Variants in SNX5 observed in about 807,000 individuals in gnomAD.
SNX5 encodes the protein sorting nexin-5.
Under a neutral mutation model 53.9 loss-of-function variants are expected in SNX5, and 31 were observed. The observed-to-expected ratio is 0.58, with a 90% CI of 0.43 to 0.78. The LOEUF (loss-of-function observed/expected upper bound fraction) is 0.78. Among genes scored for constraint, SNX5 ranks in the 30% least tolerant of loss-of-function variants. The pLI, the probability that SNX5 is intolerant of heterozygous loss-of-function variation, is 0.00. For missense variants in SNX5, 471 were observed against 478.8 expected, an observed-to-expected ratio of 0.98 and a Z score of 0.15; for synonymous variants, 168 against 171.1, an observed-to-expected ratio of 0.98 and a Z score of 0.14.
At chr20:17,959,119 C>A (rs1048889832) in intron 1 of SNX5, among the ~76,000 whole-genome samples, 3 of 152,182 alleles carry the variant, frequency 2.0e-5, no homozygotes, top group Non-Finnish European at 4.4e-5. Flanking sequence ...TTTTCGCTCA[C>A]AAGCCCAGCA....
chr20:17,949,266 A>T lies in SNX5; in HGVS notation c.792-163T>A, dbSNP rs1024004670. On this transcript the variant is annotated intron_variant, in intron 8 of 12. Coordinates refer to ENST00000377759, the MANE Select transcript of SNX5 (RefSeq NM_014426.4). Reference sequence around the variant, plus strand: ...CTCACTTCAACTGACCCCAAATAGTAGAGAAAATGGTCACAAAATTACACA... The same window carrying T: ...CTCACTTCAACTGACCCCAAATAGTTGAGAAAATGGTCACAAAATTACACA... Among the ~76,000 whole-genome samples, 3 of 152,210 alleles carry T rather than the reference A, an allele frequency of 2.0e-5. No homozygotes were observed. In the East Asian group the frequency reaches 5.8e-4, roughly 29 times the overall value.
At position 17,968,462 on chromosome 20, in the gene SNX5, G is replaced by A; in HGVS notation, c.-37C>T. The A allele has an allele frequency of 3.1e-6, 4 of 1,290,078 alleles. No individual in the cohort carries two copies. Among genetic ancestry groups the A allele is most frequent in the Non-Finnish European group, 3.9e-6 (4 of 1,016,768 alleles). The allele number at this position is 1,290,078 out of a possible 1,614,324, so 79.9% of individuals were successfully genotyped here. A position where few individuals can be genotyped will look rare whatever the true frequency, so the allele number is the denominator to read the frequency against. ...ACTCGAGCAGGGGCCGCCTGGCTGT[G>A]CGAGGAAAGAAGAAGCTGGGCCGCC... On this transcript the variant is annotated 5_prime_UTR_variant, in exon 1 of 13. Coordinates refer to ENST00000377759, the MANE Select transcript of SNX5 (RefSeq NM_014426.4).
rs1240751228 is a variant in SNX5, at chr20:17,943,022, AC to A, written c.1164+87del. On this transcript the variant is annotated intron_variant, in intron 12 of 12. Transcript: ENST00000377759. ...CGATTAATACCACAAGGCCACCCCAACTGCCTGATGACAATGGGTTAGTAAA... is the reference window on the plus strand; with the variant it reads ...CGATTAATACCACAAGGCCACCCCAATGCCTGATGACAATGGGTTAGTAAA... 3 of 884,512 alleles carry A rather than the reference AC, an allele frequency of 3.4e-6. No individual in the cohort carries two copies. In the African/African-American group the frequency reaches 5.0e-5, roughly 15 times the overall value. 54.8% of individuals were successfully genotyped at this position (884,512 alleles called of 1,614,324 possible).
chr20:17,960,628 T>C (rs1326844932), intron 1 of SNX5, among the ~76,000 whole-genome samples: 3 of 150,868 alleles, frequency 2.0e-5, no homozygotes, highest in African/African-American at 7.3e-5. Flanking sequence ...CACACACAAA[T>C]TAGCCTGGCA....
chr20:17,961,811 A>C, intron 1 of SNX5: 2 of 985,464 alleles, frequency 2.0e-6, no homozygotes, highest in African/African-American at 3.5e-5. Flanking sequence ...CAATATGACA[A>C]ATCATCGATG....
rs373578457 is a variant in SNX5, at chr20:17,955,390, T to C, written c.242A>G (p.Glu81Gly). 1.1e-4 allele frequency: 178 copies of C among 1,613,600 alleles called. 1 individual carries two copies. In the East Asian group the frequency reaches 1.3e-3, roughly 12 times the overall value. ...DFVWLHDTLI[E>G]TTDYAGLIIP... ...AATAAGCCCAGCATAGTCTGTTGTT[T>C]CAATAAGAGTGTCATGTAGCCACAC... Residue 81 changes from glutamate (E) to glycine (G), a missense_variant, in exon 3 of 13, where the codon GAA becomes GGA. Glu to Gly is a moderately conservative substitution (Grantham distance 98, BLOSUM62 -2). Transcript: ENST00000377759.
At chr20:17,947,127 T>A (rs1017272262) in intron 11 of SNX5, 1 of 188,198 alleles carries the variant, frequency 5.3e-6, no homozygotes, top group African/African-American at 2.4e-5. Flanking sequence ...AAGACAAACA[T>A]GAAAATACAG....
rs2039528719 is a variant in SNX5, at chr20:17,949,122, T to C, written c.792-19A>G. The C allele has an allele frequency of 6.2e-7, 1 of 1,611,662 alleles. No individual in the cohort carries two copies. The highest frequency in any genetic ancestry group is 1.3e-5 in the African/African-American group (1 of 74,930). On this transcript the variant is annotated intron_variant, in intron 8 of 12. Transcript: ENST00000377759. ...TAGGTACCTGGAAATGTACATATAA[T>C]TTTGGTTTAAGGTCTTAAATCATCT...
At chr20:17,963,480 A>G (rs897912195) in intron 1 of SNX5, among the ~76,000 whole-genome samples, 1 of 152,176 alleles carries the variant, frequency 6.6e-6, no homozygotes, top group East Asian at 1.9e-4. Flanking sequence ...CTCAAAAAGT[A>G]AAAAACAGAA....
At position 17,941,723 on chromosome 20, in the gene SNX5, C is replaced by T. The variant is rs1386106437; in HGVS notation, c.*634G>A. On this transcript the variant is annotated 3_prime_UTR_variant, in exon 13 of 13. Coordinates refer to ENST00000377759, the MANE Select transcript of SNX5 (RefSeq NM_014426.4). ...GGCTTATACTTTTCCTAATGTAGATCTGGCCATCTTATAAAGCAGACCACA... is the reference window on the plus strand; with the variant it reads ...GGCTTATACTTTTCCTAATGTAGATTTGGCCATCTTATAAAGCAGACCACA... 6.6e-6 allele frequency: 1 copy of T among 152,296 alleles called. No individual in the cohort carries two copies. The highest frequency in any genetic ancestry group is 1.9e-4 in the East Asian group (1 of 5,202). 9.4% of individuals were successfully genotyped at this position (152,296 alleles called of 1,614,324 possible).
In SNX5 at chr20:17,948,896, A is replaced by G. The variant is rs1399442648; in HGVS notation, c.912T>C (p.Ala304=). The G allele has an allele frequency of 6.2e-7, 1 of 1,611,706 alleles. No homozygotes were observed. The highest frequency in any genetic ancestry group is 8.5e-7 in the Non-Finnish European group (1 of 1,179,636). The change falls in exon 10 of 13, where the codon GCT becomes GCC. Residue 304 remains alanine (A), a synonymous_variant. Coordinates refer to ENST00000377759, the MANE Select transcript of SNX5 (RefSeq NM_014426.4). ...LLRYYMLNIE[A]AKDLLYRRTK... ...TGAGCAACTCTCTTCCTACCTTAGC[A>G]GCTTCAATGTTGAGCATGTAGTATC...
chr20:17,948,372 G>A (rs1358332586), intron 10 of SNX5, among the ~76,000 whole-genome samples: 2 of 152,158 alleles, frequency 1.3e-5, no homozygotes, highest in African/African-American at 4.8e-5. Flanking sequence ...TGCATGATGG[G>A]GGGAAAAATT....
rs535862943 is a variant in SNX5, at chr20:17,966,378, C to T, written c.51+1997G>A. On this transcript the variant is annotated intron_variant, in intron 1 of 12. Coordinates refer to ENST00000377759, the MANE Select transcript of SNX5 (RefSeq NM_014426.4). ...CCAGCCTGGACGACAGAGCGAGACT[C>T]CGTCTCAAAAAAAAAAAAAAAATCA... Among the ~76,000 whole-genome samples, 6 of 137,862 alleles carry T rather than the reference C, an allele frequency of 4.4e-5. No homozygotes were observed. In the South Asian group the frequency reaches 1.6e-3, roughly 36 times the overall value. 90.4% of individuals were successfully genotyped at this position (137,862 alleles called of 152,430 possible). A position where few individuals can be genotyped will look rare whatever the true frequency, so the allele number is the denominator to read the frequency against.
At chr20:17,946,820 A>T (rs1249808906) in intron 11 of SNX5, among the ~76,000 whole-genome samples, 1 of 152,186 alleles carries the variant, frequency 6.6e-6, no homozygotes, top group African/African-American at 2.4e-5. Context: ...ACAGTGGAGA[A>T]ACTGGATTTG....
In SNX5 at chr20:17,961,531, T is replaced by C. The variant is rs1035137849; in HGVS notation, c.52-4494A>G. The C allele has an allele frequency of 1.2e-5, 12 of 985,380 alleles. No individual in the cohort carries two copies. In the African/African-American group the frequency reaches 2.1e-4, roughly 17 times the overall value. 61.0% of individuals were successfully genotyped at this position (985,380 alleles called of 1,614,324 possible). ...CATTTAAATCTAATAGTCATTTGTA[T>C]ACAATGTAAGACATGGATACAATAT... On this transcript the variant is annotated intron_variant, in intron 1 of 12. Transcript: ENST00000377759.
At chr20:17,961,105 A>G (rs1008405543) in intron 1 of SNX5, 9 of 984,228 alleles carry the variant, frequency 9.1e-6, no homozygotes, top group Non-Finnish European at 1.1e-5. Flanking sequence ...CTAAAAGGAG[A>G]AAAGTAGTTA....
chr20:17,954,469 G>T (rs1289757776), intron 3 of SNX5, among the ~76,000 whole-genome samples: 1 of 152,184 alleles, frequency 6.6e-6, no homozygotes, highest in African/African-American at 2.4e-5. Context: ...AAAGTGTTCA[G>T]TATTCCAAAG....
In SNX5 at chr20:17,968,567, C is replaced by A; in HGVS notation, c.-142G>T. 2.7e-6 allele frequency: 2 copies of A among 744,692 alleles called. No homozygotes were observed. The highest frequency in any genetic ancestry group is 2.6e-5 in the Admixed American group (1 of 38,160). 46.1% of individuals were successfully genotyped at this position (744,692 alleles called of 1,614,324 possible). A position where few individuals can be genotyped will look rare whatever the true frequency, so the allele number is the denominator to read the frequency against. On this transcript the variant is annotated 5_prime_UTR_variant, in exon 1 of 13. Coordinates refer to ENST00000377759, the MANE Select transcript of SNX5 (RefSeq NM_014426.4). The stretch of plus-strand genomic sequence containing the variant: ...CTCCCTGCCCGACGGCGGCAGGAGG[C>A]CTCCGGACTCCGCCACCATCCCAGC...
intron 4 of SNX5, 99 bp downstream of exon 4, chr20:17,953,897 C>T: frequency 1.9e-6 from 2 of 1,072,150 alleles, no homozygotes; most frequent in South Asian, 1.5e-5. Context: ...AACAGCTGCA[C>T]TTAAAACAAA....
Sources: allele counts gnomAD v4.1 joint callset (sites outside exome capture counted in the v4.1 genomes callset), GRCh38; gene constraint gnomAD v4.1.1; transcripts MANE v1.5; gene names NCBI Gene and HGNC (gene_info 2026-07-23, HGNC 2026-07-21).